The following PDE4D variants were observed in gnomAD, a reference collection of about 807,000 sequenced individuals.
PDE4D encodes the protein phosphodiesterase 4D.
A neutral mutation model predicts 87.4 loss-of-function variants in PDE4D; 24 were observed. The observed-to-expected ratio is 0.27, with a 90% CI of 0.20 to 0.39. The LOEUF is 0.39. PDE4D is among the 10% of genes least tolerant of loss of function. PDE4D has a pLI of 1.00. For missense variants in PDE4D, 714 were observed against 1,041.0 expected (o/e 0.69, Z 4.32); for synonymous variants, 384 against 383.2 (o/e 1.00, Z -0.02).
intron 5 of PDE4D, among the ~76,000 whole-genome samples, chr5:59,154,711 C>T (rs560660715): frequency 1.6e-4 from 24 of 152,236 alleles, no homozygotes; most frequent in Non-Finnish European, 2.5e-4. Context: ...CATAGTGAAA[C>T]GCTGTCTCTA....
At chr5:60,440,242 T>C (rs543051523) in intron 1 of PDE4D, among the ~76,000 whole-genome samples, 20 of 152,160 alleles carry the variant, frequency 1.3e-4, no homozygotes, top group Non-Finnish European at 2.1e-4. Flanking sequence ...TTGATAATGA[T>C]GATTTCTTAT....
chr5:60,281,770 A>T (rs1751929349), intron 1 of PDE4D, among the ~76,000 whole-genome samples: 1 of 152,130 alleles, frequency 6.6e-6, no homozygotes, highest in African/African-American at 2.4e-5. Context: ...TGGTGGCTCA[A>T]TCCTGTAATC....
intron 5 of PDE4D, among the ~76,000 whole-genome samples, chr5:59,072,150 C>T (rs1298839802): frequency 6.6e-6 from 1 of 152,088 alleles, no homozygotes; most frequent in African/African-American, 2.4e-5. Context: ...TTGTCAACTA[C>T]ATCCACTTTT....
Position 60,122,383 on chromosome 5 carries a change from G to T in PDE4D, c.42+63174C>A, listed in dbSNP as rs534335231. On this transcript the variant is annotated intron_variant, in intron 2 of 16. Transcript: ENST00000502484. Reference sequence around the variant, plus strand: ...GGCCCTGCCCCTGCAGCAAACTTCTGCCTGGGCATCCAGGCATTTCCATAC... The same window carrying T: ...GGCCCTGCCCCTGCAGCAAACTTCTTCCTGGGCATCCAGGCATTTCCATAC... Among the ~76,000 whole-genome samples the T allele has an allele frequency of 1.9e-3, 286 of 152,348 alleles. 1 individual carries two copies. The highest frequency in any genetic ancestry group is 2.7e-3 in the Non-Finnish European group (181 of 68,038).
chr5:60,034,644 T>C (rs894218520), intron 2 of PDE4D, among the ~76,000 whole-genome samples: 1 of 152,188 alleles, frequency 6.6e-6, no homozygotes, highest in African/African-American at 2.4e-5. Flanking sequence ...TCACAGGTTA[T>C]GGAAATTACG....
intron 2 of PDE4D, among the ~76,000 whole-genome samples, chr5:60,112,782 A>G (rs1777805682): frequency 6.6e-6 from 1 of 152,074 alleles, no homozygotes; most frequent in Non-Finnish European, 1.5e-5. Flanking sequence ...ATCCTACACT[A>G]TACAAGGTCC....
chr5:59,559,662 T>C (rs1180106511), intron 1 of PDE4D, among the ~76,000 whole-genome samples: 1 of 152,158 alleles, frequency 6.6e-6, no homozygotes, highest in Non-Finnish European at 1.5e-5. Flanking sequence ...GTTTCCACAA[T>C]ACTGAACATT....
At chr5:59,541,794 C>T (rs1385949535) in intron 1 of PDE4D, among the ~76,000 whole-genome samples, 1 of 152,214 alleles carries the variant, frequency 6.6e-6, no homozygotes, top group Non-Finnish European at 1.5e-5. Context: ...ACTTCAGGCT[C>T]AGCCTGAGTT....
At chr5:60,151,582 G>A (rs1478799572) in intron 2 of PDE4D, among the ~76,000 whole-genome samples, 1 of 152,126 alleles carries the variant, frequency 6.6e-6, no homozygotes, top group Non-Finnish European at 1.5e-5. Context: ...ACAAAAGTGA[G>A]TTTAACATGT....
chr5:59,301,914 G>A (rs1310613827), intron 1 of PDE4D, among the ~76,000 whole-genome samples: 1 of 152,092 alleles, frequency 6.6e-6, no homozygotes, highest in Non-Finnish European at 1.5e-5. Context: ...TTGAGCTTAT[G>A]AGCAACAACT....
chr5:60,379,837 G>A (rs1251991545), intron 1 of PDE4D, among the ~76,000 whole-genome samples: 8 of 152,068 alleles, frequency 5.3e-5, no homozygotes, highest in African/African-American at 1.4e-4. Context: ...TTGGCCTGAC[G>A]TCTCACTGTC....
chr5:60,113,391 A>C (rs977061466), intron 2 of PDE4D, among the ~76,000 whole-genome samples: 1 of 152,150 alleles, frequency 6.6e-6, no homozygotes, highest in Non-Finnish European at 1.5e-5. Flanking sequence ...CTTTACCCTC[A>C]AGAAGCTTTT....
At chr5:59,426,365 G>A (rs1795204309) in intron 1 of PDE4D, among the ~76,000 whole-genome samples, 1 of 152,166 alleles carries the variant, frequency 6.6e-6, no homozygotes, top group African/African-American at 2.4e-5. Flanking sequence ...CAAGAAGAGA[G>A]CAGGCTGGTT....
rs1167073565 is a variant in PDE4D, at chr5:59,172,345, A to C, written c.808+8250T>G. On this transcript the variant is annotated intron_variant, in intron 5 of 14. Transcript: ENST00000340635. ...ATATATAATATATAATATATTATAT[A>C]TTATATATTTTGTATATATTATATA... Among the ~76,000 whole-genome samples the C allele has an allele frequency of 7.0e-4, 94 of 134,392 alleles. 1 individual carries two copies. Among genetic ancestry groups the C allele is most frequent in the African/African-American group, 2.3e-3 (82 of 36,214 alleles). The allele number at this position is 134,392 out of a possible 152,430, so 88.2% of individuals were successfully genotyped here.
At chr5:60,061,067 G>A (rs1771351752) in intron 2 of PDE4D, among the ~76,000 whole-genome samples, 1 of 152,054 alleles carries the variant, frequency 6.6e-6, no homozygotes, top group Admixed American at 6.6e-5. Context: ...CATAGTATTG[G>A]ATGTTCTGGC....
chr5:60,457,173 A>G (rs1457133139), intron 1 of PDE4D, among the ~76,000 whole-genome samples: 1 of 152,194 alleles, frequency 6.6e-6, no homozygotes, highest in African/African-American at 2.4e-5. Context: ...ACTTGTCCTA[A>G]TAGATTTGCA....
At chr5:59,967,606 T>C (rs550432368) in intron 3 of PDE4D, among the ~76,000 whole-genome samples, 1 of 152,306 alleles carries the variant, frequency 6.6e-6, no homozygotes, top group South Asian at 2.1e-4. Context: ...AAATGACAGA[T>C]ACTGGCGAGG....
chr5:59,714,392 T>C (rs1394062501), intron 1 of PDE4D, among the ~76,000 whole-genome samples: 1 of 152,198 alleles, frequency 6.6e-6, no homozygotes, highest in Non-Finnish European at 1.5e-5. Context: ...TTTTTCTGTT[T>C]GATTAGGGAA....
chr5:60,301,366 G>C (rs557572682), intron 1 of PDE4D, among the ~76,000 whole-genome samples: 2 of 152,056 alleles, frequency 1.3e-5, no homozygotes, highest in African/African-American at 4.8e-5. Flanking sequence ...TGTTCCATTC[G>C]TGTTATGTCT....
Sources: allele counts gnomAD v4.1 joint callset (sites outside exome capture counted in the v4.1 genomes callset), GRCh38; gene constraint gnomAD v4.1.1; transcripts MANE v1.5; gene names NCBI Gene and HGNC (gene_info 2026-07-23, HGNC 2026-07-21).